Variants in FHL5 observed in about 807,000 individuals in gnomAD.
FHL5 encodes the protein four and a half LIM domains 5.
Under a neutral mutation model 32.0 loss-of-function variants are expected in FHL5, and 33 were observed. The ratio of observed to expected loss-of-function variants is 1.03; its 90% CI spans 0.78 to 1.38. The LOEUF is 1.38. Ranked by LOEUF, FHL5 falls within the 40% of genes most tolerant of loss-of-function variation. The pLI, the probability that FHL5 is intolerant of heterozygous loss-of-function variation, is 0.00. For synonymous variants in FHL5, 114 were observed against 113.6 expected (o/e 1.00, Z -0.02); for missense variants, 336 against 343.9 (o/e 0.98, Z 0.18).
At position 96,616,887 on chromosome 6, in the gene FHL5, G is replaced by A. The variant is rs905040397; in HGVS notation, c.*1115G>A. On this transcript the variant is annotated 3_prime_UTR_variant, in exon 6 of 6. Coordinates refer to ENST00000450218, the MANE Select transcript of FHL5 (RefSeq NM_001322466.2). ...GCAAAGCAGCACAATAGAGTAATGTGGGCTGTAGGCGAGCCCTCCCCACTC... is the reference window on the plus strand; with the variant it reads ...GCAAAGCAGCACAATAGAGTAATGTAGGCTGTAGGCGAGCCCTCCCCACTC... Among the ~76,000 whole-genome samples the A allele has an allele frequency of 6.6e-6, 1 of 151,202 alleles. No homozygotes were observed. The highest frequency in any genetic ancestry group is 2.4e-5 in the African/African-American group (1 of 40,876).
At chr6:96,585,505 T>C (rs151217763) in intron 1 of FHL5, among the ~76,000 whole-genome samples, 268 of 152,174 alleles carry the variant, frequency 1.8e-3, no homozygotes, top group African/African-American at 6.2e-3. Flanking sequence ...ATAATTATGG[T>C]GCTATTTGCA....
chr6:96,603,455 T>C, intron 1 of FHL5, 147 bp from the exon 2 acceptor site: 1 of 589,264 alleles, frequency 1.7e-6, no homozygotes, highest in South Asian at 2.2e-5. Flanking sequence ...ACCATGACTA[T>C]AAGCATACTT....
In FHL5 at chr6:96,616,056, A is replaced by T. The variant is rs528011237; in HGVS notation, c.*284A>T. 9 of 203,520 alleles carry T rather than the reference A, an allele frequency of 4.4e-5. No homozygotes were observed. Among genetic ancestry groups the T allele is most frequent in the Non-Finnish European group, 6.8e-5 (7 of 102,242 alleles). 12.6% of individuals were successfully genotyped at this position (203,520 alleles called of 1,614,324 possible). ...ATCTCTTCATAATCAAATATATGAC[A>T]TATACCTAGGAGCTGTGGATGTAAT... On this transcript the variant is annotated 3_prime_UTR_variant, in exon 6 of 6. Coordinates refer to ENST00000450218, the MANE Select transcript of FHL5 (RefSeq NM_001322466.2).
At chr6:96,580,349 A>G (rs918265240) in intron 1 of FHL5, among the ~76,000 whole-genome samples, 2 of 152,184 alleles carry the variant, frequency 1.3e-5, no homozygotes, top group African/African-American at 2.4e-5. Context: ...AGTAAGATAT[A>G]ATGGTTGCTC....
intron 1 of FHL5, among the ~76,000 whole-genome samples, chr6:96,581,662 A>G (rs1770699464): frequency 6.6e-6 from 1 of 152,224 alleles, no homozygotes; most frequent in African/African-American, 2.4e-5. Flanking sequence ...AGCTGGTAGA[A>G]ACGGTGTTAA....
At chr6:96,587,849 C>G (rs979357041) in intron 1 of FHL5, among the ~76,000 whole-genome samples, 1 of 152,202 alleles carries the variant, frequency 6.6e-6, no homozygotes, top group Non-Finnish European at 1.5e-5. Context: ...CTCTCTACAA[C>G]TTGCTTGTTT....
chr6:96,572,677 C>T (rs545145514), intron 1 of FHL5, among the ~76,000 whole-genome samples: 2 of 152,310 alleles, frequency 1.3e-5, no homozygotes, highest in Admixed American at 1.3e-4. Flanking sequence ...CTCCAGGCAG[C>T]TTCACCATGT....
Position 96,601,472 on chromosome 6 carries a change from C to G in FHL5, c.-12-2130C>G, listed in dbSNP as rs77452669. Among the ~76,000 whole-genome samples the G allele has an allele frequency of 4.6e-5, 7 of 152,304 alleles. No homozygotes were observed. In the East Asian group the frequency reaches 1.3e-3, roughly 29 times the overall value. On this transcript the variant is annotated intron_variant, in intron 1 of 5. Transcript: ENST00000450218. Reference sequence around the variant, plus strand: ...CTTATATTTAGACTTCTGATCTGATCACTAAATAAGTTACAGGTATTTTGA... The same window carrying G: ...CTTATATTTAGACTTCTGATCTGATGACTAAATAAGTTACAGGTATTTTGA...
chr6:96,570,825 C>A (rs899433668), intron 1 of FHL5, among the ~76,000 whole-genome samples: 1 of 151,930 alleles, frequency 6.6e-6, no homozygotes, highest in East Asian at 1.9e-4. Flanking sequence ...AATTCTTCAA[C>A]TGCAGGATTC....
intron 4 of FHL5, among the ~76,000 whole-genome samples, chr6:96,609,264 T>A (rs960560282): frequency 9.9e-5 from 15 of 152,170 alleles, no homozygotes; most frequent in African/African-American, 3.6e-4. Flanking sequence ...AGGCTCTAAG[T>A]TTTTACTACC....
chr6:96,591,751 TC>T (rs1344853949), intron 1 of FHL5, among the ~76,000 whole-genome samples: 3 of 152,126 alleles, frequency 2.0e-5, no homozygotes, highest in African/African-American at 7.2e-5. Context: ...CCCCGATATT[TC>T]ATGTAGGTGC....
intron 1 of FHL5, among the ~76,000 whole-genome samples, chr6:96,566,309 T>A (rs1770355996): frequency 6.6e-6 from 1 of 152,080 alleles, no homozygotes; most frequent in Admixed American, 6.5e-5. Flanking sequence ...AGCTCATTCA[T>A]GTTGCCGTGA....
chr6:96,608,419 A>G (rs1771330154), intron 4 of FHL5, among the ~76,000 whole-genome samples: 1 of 152,200 alleles, frequency 6.6e-6, no homozygotes. Flanking sequence ...CTAAAAAGCT[A>G]GATTTGTTTT....
Position 96,610,666 on chromosome 6 carries a change from A to T in FHL5, c.599A>T (p.Gln200Leu). 6.2e-7 allele frequency: 1 copy of T among 1,613,110 alleles called. No homozygotes were observed. Among genetic ancestry groups the T allele is most frequent in the Non-Finnish European group, 8.5e-7 (1 of 1,179,064 alleles). ...SGCRKDLCEE[Q>L]FMSRDDYPFC... ...TGTAGGAAAGATCTCTGTGAAGAACAGTTCATGTCCAGAGACGACTATCCA... is the reference window on the plus strand; with the variant it reads ...TGTAGGAAAGATCTCTGTGAAGAACTGTTCATGTCCAGAGACGACTATCCA... Residue 200 changes from glutamine to leucine, a missense_variant, in exon 5 of 6, where the codon CAG becomes CTG. Physicochemically the swap from Gln to Leu is moderately radical, Grantham distance 113. Coordinates refer to ENST00000450218, the MANE Select transcript of FHL5 (RefSeq NM_001322466.2).
At chr6:96,585,578 A>C (rs758418938) in intron 1 of FHL5, among the ~76,000 whole-genome samples, 2 of 151,874 alleles carry the variant, frequency 1.3e-5, no homozygotes, top group Non-Finnish European at 2.9e-5. Context: ...AAAAAACCCT[A>C]CTCTATATCC....
chr6:96,573,659 C>T (rs558754484), intron 1 of FHL5, among the ~76,000 whole-genome samples: 1 of 150,320 alleles, frequency 6.7e-6, no homozygotes, highest in East Asian at 2.0e-4. Context: ...GTAGCTGGGA[C>T]TACAGGTGCC....
At chr6:96,593,077 TTC>T (rs1562059180) in intron 1 of FHL5, among the ~76,000 whole-genome samples, 1 of 152,134 alleles carries the variant, frequency 6.6e-6, no homozygotes, top group Non-Finnish European at 1.5e-5. Flanking sequence ...TAATTTTATT[TTC>T]TATTTTATCA....
intron 1 of FHL5, among the ~76,000 whole-genome samples, chr6:96,581,426 C>T (rs2127963024): frequency 6.6e-6 from 1 of 152,254 alleles, no homozygotes; most frequent in South Asian, 2.1e-4. Context: ...ACACACACTT[C>T]CAGACCATGG....
intron 1 of FHL5, 23 bp downstream of exon 1, chr6:96,563,378 T>A (rs1196827298): frequency 6.6e-6 from 1 of 152,176 alleles, no homozygotes; most frequent in Non-Finnish European, 1.5e-5. Context: ...CCCCAAATAT[T>A]TCCTTTGTTT....
Sources: allele counts gnomAD v4.1 joint callset (sites outside exome capture counted in the v4.1 genomes callset), GRCh38; gene constraint gnomAD v4.1.1; transcripts MANE v1.5; gene names NCBI Gene and HGNC (gene_info 2026-07-23, HGNC 2026-07-21).